The following SLC44A5 variants were observed in gnomAD, a reference collection of about 807,000 sequenced individuals.
The protein encoded by SLC44A5 is choline transporter-like protein 5.
In SLC44A5, 57 loss-of-function variants were observed where a neutral mutation model predicts 101.8. The ratio of observed to expected loss-of-function variants is 0.56; its 90% CI spans 0.45 to 0.70. SLC44A5 has a LOEUF of 0.70. Among genes scored for constraint, SLC44A5 ranks in the 30% least tolerant of loss-of-function variants. The probability of loss-of-function intolerance (pLI) is 0.00; values close to 1 mark genes in which losing one functional copy is unlikely to be tolerated. For missense variants in SLC44A5, 737 were observed against 853.1 expected, an observed-to-expected ratio of 0.86 and a Z score of 1.70; for synonymous variants, 281 against 290.9, an observed-to-expected ratio of 0.97 and a Z score of 0.35.
intron 3 of SLC44A5, among the ~76,000 whole-genome samples, chr1:75,362,478 C>T (rs1241669142): frequency 1.3e-5 from 2 of 151,936 alleles, no homozygotes; most frequent in East Asian, 1.9e-4. Context: ...AGTTTCTATA[C>T]ATTGTTTTCA....
intron 13 of SLC44A5, 95 bp from the exon 14 acceptor site, chr1:75,222,555 C>T: frequency 1.4e-6 from 1 of 703,716 alleles, no homozygotes; most frequent in South Asian, 1.7e-5. Flanking sequence ...ATGATTATTT[C>T]TGCCAATTCT....
At chr1:75,314,760 A>G (rs1655564577) in intron 4 of SLC44A5, among the ~76,000 whole-genome samples, 1 of 152,172 alleles carries the variant, frequency 6.6e-6, no homozygotes, top group African/African-American at 2.4e-5. Flanking sequence ...GCTTTTCAGA[A>G]TTTAGATCTA....
intron 1 of SLC44A5, among the ~76,000 whole-genome samples, chr1:75,543,406 CA>C (rs1671459300): frequency 6.6e-6 from 1 of 151,736 alleles, no homozygotes; most frequent in South Asian, 2.1e-4. Flanking sequence ...AACCATCCCG[CA>C]AAAATATCTG....
intron 3 of SLC44A5, among the ~76,000 whole-genome samples, chr1:75,371,132 A>G (rs898798258): frequency 1.3e-5 from 2 of 152,216 alleles, no homozygotes; most frequent in African/African-American, 4.8e-5. Context: ...CCATCTCTCC[A>G]TCTCTTTACG....
intron 2 of SLC44A5, among the ~76,000 whole-genome samples, chr1:75,454,159 A>G (rs1176326929): frequency 6.6e-6 from 1 of 152,112 alleles, no homozygotes; most frequent in Non-Finnish European, 1.5e-5. Flanking sequence ...ACAAAACACT[A>G]GCAACATGAA....
chr1:75,682,866 G>A, the SLC44A5 span, among the ~76,000 whole-genome samples: 3 of 151,928 alleles, frequency 2.0e-5, no homozygotes, highest in Admixed American at 1.3e-4. Flanking sequence ...TCTGTCAAAG[G>A]GCTAATATCC....
At chr1:75,318,379 GAA>G (rs1655868263) in intron 4 of SLC44A5, among the ~76,000 whole-genome samples, 4 of 21,054 alleles carry the variant, frequency 1.9e-4, no homozygotes, top group Non-Finnish European at 5.5e-4. Flanking sequence ...TTGAAAGAAA[GAA>G]AGAAAGAAAG....
At chr1:75,292,390 C>G (rs150620192) in intron 5 of SLC44A5, among the ~76,000 whole-genome samples, 6 of 152,178 alleles carry the variant, frequency 3.9e-5, no homozygotes, top group African/African-American at 1.4e-4. Context: ...GTAAATAACA[C>G]TTTTTTGGGA....
chr1:75,398,843 C>T (rs111921482), intron 2 of SLC44A5, among the ~76,000 whole-genome samples: 1 of 151,720 alleles, frequency 6.6e-6, no homozygotes, highest in Non-Finnish European at 1.5e-5. Flanking sequence ...CTGGTGTCTG[C>T]GTAAGATACC....
intron 6 of SLC44A5, among the ~76,000 whole-genome samples, chr1:75,257,803 G>A (rs1650139495): frequency 6.6e-6 from 1 of 152,082 alleles, no homozygotes; most frequent in African/African-American, 2.4e-5. Context: ...CTCCCAGCGA[G>A]AACTACTCAG....
At chr1:75,644,131 A>G in the SLC44A5 span, among the ~76,000 whole-genome samples, 1 of 152,218 alleles carries the variant, frequency 6.6e-6, no homozygotes, top group African/African-American at 2.4e-5. Context: ...TAAATATGCA[A>G]GATAATGGAC....
chr1:75,667,340 G>A, the SLC44A5 span, among the ~76,000 whole-genome samples: 1 of 152,050 alleles, frequency 6.6e-6, no homozygotes, highest in Non-Finnish European at 1.5e-5. Flanking sequence ...GCTACTAAGA[G>A]AATAAAATAC....
chr1:75,674,987 A>T, the SLC44A5 span, among the ~76,000 whole-genome samples: 1 of 152,162 alleles, frequency 6.6e-6, no homozygotes, highest in Non-Finnish European at 1.5e-5. Flanking sequence ...TTTTTGTACT[A>T]GTACCATGCT....
In SLC44A5 at chr1:75,251,259, C is replaced by A. The variant is rs760660451; in HGVS notation, c.296G>T (p.Arg99Leu). Reference sequence around the variant, plus strand: ...TAGCAACACGGAGGGACTGGTACAGCGTAACAGGTTAAAGTAAAACAAAAT... The same window carrying A: ...TAGCAACACGGAGGGACTGGTACAGAGTAACAGGTTAAAGTAAAACAAAAT... ...KTILFYFNLL[R>L]CTSPSVLLNL... The change falls in exon 7 of 24, where the codon CGC (arginine) becomes CTC (leucine). Residue 99 changes from arginine to leucine, a missense_variant. Coordinates refer to ENST00000370859, the MANE Select transcript of SLC44A5 (RefSeq NM_001130058.2). 1 of 1,613,224 alleles carries A rather than the reference C, an allele frequency of 6.2e-7. No homozygotes were observed. The highest frequency in any genetic ancestry group is 1.1e-5 in the South Asian group (1 of 91,014).
intron 2 of SLC44A5, chr1:75,538,058 A>T (rs1158823033): frequency 6.6e-6 from 1 of 152,230 alleles, no homozygotes; most frequent in African/African-American, 2.4e-5. Flanking sequence ...TCTTTGCAAG[A>T]GGCTATGCTA....
chr1:75,275,263 G>A (rs1380731613), intron 5 of SLC44A5, among the ~76,000 whole-genome samples: 1 of 152,064 alleles, frequency 6.6e-6, no homozygotes, highest in African/African-American at 2.4e-5. Context: ...GGATTCAGCT[G>A]GGTTGTAGCC....
upstream of SLC44A5, among the ~76,000 whole-genome samples, chr1:75,614,607 C>T (rs1333525542): frequency 1.3e-5 from 2 of 152,214 alleles, no homozygotes; most frequent in Non-Finnish European, 2.9e-5. Context: ...AAGCAAAAAG[C>T]ACGCCAAAGC....
At chr1:75,369,745 T>C (rs374720326) in intron 3 of SLC44A5, among the ~76,000 whole-genome samples, 3 of 152,164 alleles carry the variant, frequency 2.0e-5, no homozygotes, top group East Asian at 1.9e-4. Flanking sequence ...ATTTCTTCAA[T>C]ATAAAAATAA....
At chr1:75,442,832 A>G (rs77668199) in intron 2 of SLC44A5, among the ~76,000 whole-genome samples, 4 of 152,160 alleles carry the variant, frequency 2.6e-5, no homozygotes, top group Admixed American at 6.5e-5. Context: ...ATAATTTTCA[A>G]CACAGTCCAC....
Sources: allele counts gnomAD v4.1 joint callset (sites outside exome capture counted in the v4.1 genomes callset), GRCh38; gene constraint gnomAD v4.1.1; transcripts MANE v1.5; gene names NCBI Gene and HGNC (gene_info 2026-07-23, HGNC 2026-07-21).